Variants in CDH13 observed in about 807,000 individuals in gnomAD.
The protein encoded by CDH13 is cadherin 13, also known as cadherin-13.
Under a neutral mutation model 63.8 loss-of-function variants are expected in CDH13, and 24 were observed. The ratio of observed to expected loss-of-function variants is 0.38; its 90% CI spans 0.27 to 0.53. The LOEUF (loss-of-function observed/expected upper bound fraction) is 0.53, where lower values mean the gene tolerates loss of function less well. Ranked by LOEUF, CDH13 falls within the 20% of genes least tolerant of loss-of-function variation. The pLI is 0.85. For synonymous variants in CDH13, 503 were observed against 355.3 expected (o/e 1.42, Z -4.67); for missense variants, 1,049 against 903.1 (o/e 1.16, Z -2.07).
intron 6 of CDH13, among the ~76,000 whole-genome samples, chr16:83,402,447 A>G (rs1166076958): frequency 6.6e-6 from 1 of 152,214 alleles, no homozygotes; most frequent in African/African-American, 2.4e-5. Flanking sequence ...TCTGAGCCAG[A>G]CTGCATTTAC....
intron 8 of CDH13, among the ~76,000 whole-genome samples, chr16:83,661,973 C>T (rs1238142696): frequency 6.6e-6 from 1 of 152,118 alleles, no homozygotes; most frequent in Admixed American, 6.5e-5. Context: ...TGGAATGGGA[C>T]CCACAGACAG....
At chr16:83,557,220 C>T (rs1362614115) in intron 7 of CDH13, among the ~76,000 whole-genome samples, 1 of 152,210 alleles carries the variant, frequency 6.6e-6, no homozygotes, top group African/African-American at 2.4e-5. Context: ...TCACGTCTCC[C>T]ATCACCCCCA....
intron 4 of CDH13, among the ~76,000 whole-genome samples, chr16:83,145,066 C>T (rs183933484): frequency 2.6e-5 from 4 of 152,078 alleles, no homozygotes; most frequent in East Asian, 1.9e-4. Flanking sequence ...AGTACGGGGA[C>T]ATTATATTCA....
Position 83,217,466 on chromosome 16 carries a change from C to T in CDH13, c.605C>T (p.Thr202Ile). Residue 202 changes from threonine to isoleucine, a missense_variant, in exon 5 of 14, where the codon ACC (threonine) becomes ATC (isoleucine). Transcript: ENST00000567109. ...ENTGSVSVTR[T>I]LDREVIAVYQ... ...ACAGGGAGCGTCTCCGTGACACGGA[C>T]CTTGGACAGAGAAGTAATCGCTGTT... 1 of 1,613,812 alleles carries T rather than the reference C, an allele frequency of 6.2e-7. No homozygotes were observed.
intron 6 of CDH13, among the ~76,000 whole-genome samples, chr16:83,414,391 A>G (rs1298781894): frequency 6.6e-6 from 1 of 152,214 alleles, no homozygotes; most frequent in Non-Finnish European, 1.5e-5. Flanking sequence ...TTTAGAGGAA[A>G]CAAATATATA....
At chr16:83,645,072 C>T (rs1911665564) in intron 8 of CDH13, among the ~76,000 whole-genome samples, 1 of 152,202 alleles carries the variant, frequency 6.6e-6, no homozygotes, top group African/African-American at 2.4e-5. Context: ...CCCTGAGCTA[C>T]ATTATATTAA....
At chr16:82,959,341 G>A (rs551734188) in intron 2 of CDH13, among the ~76,000 whole-genome samples, 65 of 152,308 alleles carry the variant, frequency 4.3e-4, no homozygotes, top group African/African-American at 1.5e-3. Flanking sequence ...GAGGGGGCTG[G>A]CAAATGATGT....
chr16:82,678,807 T>A (rs1914222811), intron 1 of CDH13, among the ~76,000 whole-genome samples: 1 of 152,196 alleles, frequency 6.6e-6, no homozygotes. Context: ...AGGCAGTCTA[T>A]CTCTTAGAGC....
chr16:83,486,668 G>C lies in CDH13; in HGVS notation c.960+13G>C, dbSNP rs761435356. On this transcript the variant is annotated intron_variant, in intron 7 of 13. Coordinates refer to ENST00000567109, the MANE Select transcript of CDH13 (RefSeq NM_001257.5). ...GCTGGACCGAGAGGTGAGCTGAAAA[G>C]AATACACTTTCTTTTTCACGAGAAT... The C allele has an allele frequency of 3.1e-6, 5 of 1,611,238 alleles. No individual in the cohort carries two copies. The highest frequency in any genetic ancestry group is 1.3e-5 in the African/African-American group (1 of 74,896).
intron 6 of CDH13, among the ~76,000 whole-genome samples, chr16:83,426,508 ATCAC>A (rs778001042): frequency 1.1e-4 from 11 of 96,916 alleles, no homozygotes; most frequent in Non-Finnish European, 2.1e-4. Flanking sequence ...CATGGAAACA[ATCAC>A]ACACACACAC....
rs144166843 is a variant in CDH13 at position 83,193,026 on chromosome 16, C to T, written c.484-24319C>T. ...GATGGAGGCTGCCCATCATGGGTGA[C>T]GGTAGAATCTGGTGTCAGATGGCAC... On this transcript the variant is annotated intron_variant, in intron 4 of 13. Transcript: ENST00000567109. Among the ~76,000 whole-genome samples, 365 of 152,002 alleles carry T rather than the reference C, an allele frequency of 2.4e-3. 4 individuals carry two copies. Among genetic ancestry groups the T allele is most frequent in the African/African-American group, 8.2e-3 (339 of 41,464 alleles).
At chr16:82,722,749 A>G (rs2032857819) in intron 1 of CDH13, among the ~76,000 whole-genome samples, 1 of 152,150 alleles carries the variant, frequency 6.6e-6, no homozygotes, top group Admixed American at 6.6e-5. Context: ...GAAGTTCAGG[A>G]GTGAATAATT....
chr16:82,861,538 T>C (rs2039945762), intron 2 of CDH13, among the ~76,000 whole-genome samples: 1 of 152,226 alleles, frequency 6.6e-6, no homozygotes, highest in South Asian at 2.1e-4. Flanking sequence ...GCTATCTTTG[T>C]TCAGACAGTA....
At chr16:83,330,731 C>T (rs1019967867) in intron 5 of CDH13, among the ~76,000 whole-genome samples, 1 of 152,234 alleles carries the variant, frequency 6.6e-6, no homozygotes, top group African/African-American at 2.4e-5. Context: ...AATGGGGTGG[C>T]GTGGGGTCCA....
intron 4 of CDH13, chr16:83,180,770 A>G (rs1459171255): frequency 6.0e-6 from 5 of 828,310 alleles, no homozygotes; most frequent in African/African-American, 1.7e-5. Context: ...CTTTAAGACA[A>G]ACAAACAAAG....
chr16:83,152,262 A>G (rs1157642974), intron 4 of CDH13, among the ~76,000 whole-genome samples: 1 of 152,170 alleles, frequency 6.6e-6, no homozygotes, highest in East Asian at 1.9e-4. Flanking sequence ...AAACCACCTA[A>G]ATGATCCACG....
chr16:83,465,541 A>G (rs762464061), intron 6 of CDH13, among the ~76,000 whole-genome samples: 1 of 152,258 alleles, frequency 6.6e-6, no homozygotes, highest in Non-Finnish European at 1.5e-5. Flanking sequence ...GCTAAAATAA[A>G]GATTCAAGTC....
intron 2 of CDH13, among the ~76,000 whole-genome samples, chr16:82,994,283 T>C (rs1444457065): frequency 6.6e-6 from 1 of 152,200 alleles, no homozygotes; most frequent in Non-Finnish European, 1.5e-5. Context: ...GACCCACGTC[T>C]CTAACTCCTC....
chr16:83,660,066 C>CA (rs2150836002), intron 8 of CDH13, among the ~76,000 whole-genome samples: 1 of 152,246 alleles, frequency 6.6e-6, no homozygotes, highest in East Asian at 1.9e-4. Context: ...AGATTACACT[C>CA]AGAAGCCACC....
Sources: gnomAD v4.1 joint callset for allele counts (sites outside exome capture counted in the v4.1 genomes callset) on GRCh38, gnomAD v4.1.1 for gene constraint, MANE v1.5 for transcripts, NCBI Gene and HGNC (gene_info 2026-07-23, HGNC 2026-07-21) for gene names.